The following NME9 variants were observed in gnomAD, a reference collection of about 807,000 sequenced individuals.
NME9 encodes the protein thioredoxin domain-containing protein 6.
NME9 carries 48 observed loss-of-function variants against 44.4 expected under a neutral mutation model. That is an observed-to-expected ratio of 1.08 (90% CI 0.86 to 1.37). NME9 has a LOEUF of 1.37. NME9 is among the 40% of genes most tolerant of loss of function. The pLI is 0.00. For missense variants in NME9, 325 were observed against 405.2 expected, an observed-to-expected ratio of 0.80 and a Z score of 1.70; for synonymous variants, 139 against 147.1, an observed-to-expected ratio of 0.94 and a Z score of 0.40.
chr3:138,267,541 G>C (rs1358782732), intron 8 of NME9, among the ~76,000 whole-genome samples: 1 of 152,108 alleles, frequency 6.6e-6, no homozygotes, highest in Non-Finnish European at 1.5e-5. Flanking sequence ...CTTACAAATA[G>C]TAAACTATTC....
intron 8 of NME9, among the ~76,000 whole-genome samples, chr3:138,290,392 A>C (rs957993929): frequency 2.6e-5 from 4 of 152,212 alleles, no homozygotes; most frequent in Non-Finnish European, 4.4e-5. Context: ...TCCAAGCATG[A>C]GCGGGTCCAA....
intron 8 of NME9, chr3:138,287,762 T>C (rs1184205979): frequency 8.9e-6 from 4 of 450,672 alleles, no homozygotes; most frequent in Non-Finnish European, 1.8e-5. Flanking sequence ...TAGTCCTACA[T>C]GAGAAGATAA....
intron 8 of NME9, chr3:138,270,165 C>A (rs758238008): frequency 2.1e-6 from 3 of 1,415,688 alleles, no homozygotes; most frequent in Admixed American, 1.7e-5. Flanking sequence ...TCATAACTTA[C>A]AAAAGGAATA....
chr3:138,294,625 CAT>C (rs1263669383), intron 8 of NME9, among the ~76,000 whole-genome samples: 1 of 152,202 alleles, frequency 6.6e-6, no homozygotes, highest in African/African-American at 2.4e-5. Context: ...TTATTGTATG[CAT>C]AGTCTACTTG....
intron 8 of NME9, chr3:138,267,090 ATC>A (rs1437700896): frequency 1.5e-5 from 12 of 789,472 alleles, no homozygotes; most frequent in Non-Finnish European, 2.2e-5. Flanking sequence ...TATATTTTAT[ATC>A]TCATTTTATA....
At chr3:138,295,774 C>T in intron 8 of NME9, 1 of 1,492,198 alleles carries the variant, frequency 6.7e-7, no homozygotes, top group Non-Finnish European at 9.3e-7. Context: ...TTTTAGACTT[C>T]CCCAGCTATC....
At chr3:138,296,031 C>A, downstream of NME9, 1 of 686,932 alleles carries the variant, frequency 1.5e-6, no homozygotes, top group Non-Finnish European at 2.3e-6. Context: ...GTTTAGTAGG[C>A]TTAGATCTCA....
intron 8 of NME9, chr3:138,274,677 A>C: frequency 1.5e-6 from 1 of 652,184 alleles, no homozygotes. Context: ...AATAGGAAGA[A>C]ATATCTTCCA....
intron 8 of NME9, chr3:138,295,796 A>C: frequency 6.4e-7 from 1 of 1,573,332 alleles, no homozygotes. Flanking sequence ...TCATTGAACC[A>C]TAGGGTTTTT....
At position 138,305,156 on chromosome 3, in the gene NME9, G is replaced by A. The variant is rs550798352; in HGVS notation, c.637-129C>T. ...AGCCTTGCTACCAGCCAGCATGCCC[G>A]TGGCCACTCAGCCACTGCACCCTGT... is the stretch of plus-strand genomic sequence containing the variant. On this transcript the variant is annotated intron_variant, in intron 8 of 10. Transcript: ENST00000333911. The A allele has an allele frequency of 1.9e-5, 16 of 839,154 alleles. No homozygotes were observed. The Admixed American group carries it at 2.1e-4, about 11-fold the overall frequency. The allele number at this position is 839,154 out of a possible 1,614,324, so 52.0% of individuals were successfully genotyped here. A position where few individuals can be genotyped will look rare whatever the true frequency, so the allele number is the denominator to read the frequency against.
At chr3:138,293,179 C>A (rs1258759251) in intron 8 of NME9, among the ~76,000 whole-genome samples, 1 of 152,156 alleles carries the variant, frequency 6.6e-6, no homozygotes, top group Non-Finnish European at 1.5e-5. Flanking sequence ...AATGGCTCTT[C>A]CAGATTGTGA....
chr3:138,306,122 A>C, intron 7 of NME9, 26 bp from the exon 8 acceptor site: 1 of 1,487,392 alleles, frequency 6.7e-7, no homozygotes, highest in Non-Finnish European at 9.4e-7. Flanking sequence ...AAATATTCTA[A>C]AAGGGTAAAT....
chr3:138,315,811 G>A (rs2053036629), intron 4 of NME9, among the ~76,000 whole-genome samples, 168 bp from the exon 5 acceptor site: 1 of 152,174 alleles, frequency 6.6e-6, no homozygotes, highest in African/African-American at 2.4e-5. Context: ...CCTCAGGTCT[G>A]CTCCTAGGTT....
intron 4 of NME9, 40 bp from the exon 5 acceptor site, chr3:138,315,683 ATAT>A (rs995799461): frequency 4.9e-6 from 7 of 1,428,852 alleles, no homozygotes; most frequent in Non-Finnish European, 6.7e-6. Context: ...CTCTTGGCAA[ATAT>A]TAATCTCTTG....
intron 6 of NME9, among the ~76,000 whole-genome samples, chr3:138,308,947 A>G (rs2052482758): frequency 8.7e-6 from 1 of 114,772 alleles, no homozygotes; most frequent in Admixed American, 8.0e-5. Flanking sequence ...TACTGAAAGA[A>G]AAAAAAAAAA....
At chr3:138,269,779 G>A (rs1197837959) in intron 8 of NME9, among the ~76,000 whole-genome samples, 1 of 151,036 alleles carries the variant, frequency 6.6e-6, no homozygotes, top group Non-Finnish European at 1.5e-5. Context: ...GGACTACAAG[G>A]ATAAAAGGAA....
At chr3:138,264,004 G>A (rs1351028958) in intron 8 of NME9, 3 of 976,548 alleles carry the variant, frequency 3.1e-6, no homozygotes, top group African/African-American at 3.2e-5. Context: ...AAAGTGGTCT[G>A]ATGTAGTTCA....
chr3:138,308,964 A>C (rs1039392747), intron 6 of NME9, among the ~76,000 whole-genome samples: 1 of 150,724 alleles, frequency 6.6e-6, no homozygotes, highest in Admixed American at 6.6e-5. Flanking sequence ...AAAAAAAAAA[A>C]AAAAACTGTC....
chr3:138,293,299 T>C (rs2051155786), intron 8 of NME9, among the ~76,000 whole-genome samples: 1 of 152,194 alleles, frequency 6.6e-6, no homozygotes, highest in Non-Finnish European at 1.5e-5. Flanking sequence ...CCCAGCACTT[T>C]GGGAGGCCGA....
Sources: gnomAD v4.1 joint callset for allele counts (sites outside exome capture counted in the v4.1 genomes callset) on GRCh38, gnomAD v4.1.1 for gene constraint, MANE v1.5 for transcripts, NCBI Gene and HGNC (gene_info 2026-07-23, HGNC 2026-07-21) for gene names.